The following MATK variants were observed in gnomAD, a reference collection of about 807,000 sequenced individuals.
MATK encodes megakaryocyte-associated tyrosine-protein kinase.
Under a neutral mutation model 59.8 loss-of-function variants are expected in MATK, and 41 were observed. The ratio of observed to expected loss-of-function variants is 0.69; its 90% confidence interval spans 0.53 to 0.89. MATK has a LOEUF of 0.89. MATK is among the 40% of genes least tolerant of loss of function. MATK has a pLI of 0.00. For synonymous variants in MATK, 308 were observed against 306.1 expected, an observed-to-expected ratio of 1.01 and a Z score of -0.06; for missense variants, 593 against 719.6, an observed-to-expected ratio of 0.82 and a Z score of 2.01.
chr19:3,783,161 T>C lies in MATK; in HGVS notation c.641A>G (p.His214Arg), dbSNP rs763848662. ...CTKLVRPKRK[H>R]GTKSAEEELA... ...CTCCTCCTCGGCCGACTTGGTCCCG[T>C]GTTTCCGCTTTGGTCTCACCAGCTT... The change falls in exon 7 of 14, where the codon CAC becomes CGC. Residue 214 changes from histidine to arginine, a missense_variant. Transcript: ENST00000310132. 1 of 1,614,080 alleles carries C rather than the reference T, an allele frequency of 6.2e-7. No individual in the cohort carries two copies. Among genetic ancestry groups the C allele is most frequent in the South Asian group, 1.1e-5 (1 of 91,084 alleles).
Position 3,784,867 on chromosome 19 carries a change from G to A in MATK, c.90C>T (p.Leu30=). The A allele has an allele frequency of 6.5e-7, 1 of 1,546,364 alleles. No homozygotes were observed. Among genetic ancestry groups the A allele is most frequent in the Non-Finnish European group, 8.8e-7 (1 of 1,141,806 alleles). Residue 30 remains leucine, a synonymous_variant, in exon 3 of 14, where the codon CTC becomes CTT. Transcript: ENST00000310132. ...EELPRVSPRF[L]RAWHPPPVSA... ...AGACGGGAGGGGGGTGCCAGGCTCG[G>A]AGGAAGCGGGGGCTCACCTGGGGAG...
At chr19:3,788,885 T>C (rs559397370), upstream of MATK, among the ~76,000 whole-genome samples, 1 of 151,480 alleles carries the variant, frequency 6.6e-6, no homozygotes, top group African/African-American at 2.4e-5. Context: ...AGAAACAGGG[T>C]TTCACCATAT....
At chr19:3,793,541 A>C (rs2037563706) in intron 1 of MATK, 1 of 152,292 alleles carries the variant, frequency 6.6e-6, no homozygotes, top group Admixed American at 6.5e-5. Flanking sequence ...GTCTCTACTA[A>C]AAATATAAAA....
chr19:3,789,466 C>A, upstream of MATK: 1 of 578,010 alleles, frequency 1.7e-6, no homozygotes. Context: ...GGGCAGGAGG[C>A]CTCACCCCAG....
Position 3,786,180 on chromosome 19 carries a change from GCGCCCCCGAGCCGCGCCCCGCGCC to G in MATK, c.-187_-164del, listed in dbSNP as rs2037481207. The G allele has an allele frequency of 1.0e-6, 1 of 980,032 alleles. No homozygotes were observed. Among genetic ancestry groups the G allele is most frequent in the Non-Finnish European group, 1.2e-6 (1 of 825,732 alleles). 60.7% of individuals were successfully genotyped at this position (980,032 alleles called of 1,614,324 possible). A position where few individuals can be genotyped will look rare whatever the true frequency, so the allele number is the denominator to read the frequency against. ...GCCGACGTGCTCACCTGCTCAGGGGGCGCCCCCGAGCCGCGCCCCGCGCCCGCCCCCAGGAGGGCCTCCGCGAGC... is the reference window on the plus strand; with the variant it reads ...GCCGACGTGCTCACCTGCTCAGGGGGCGCCCCCAGGAGGGCCTCCGCGAGC... On this transcript the variant is annotated 5_prime_UTR_variant, in exon 1 of 14. Transcript: ENST00000310132. The surrounding 1 kb of genome is among the most constrained non-coding windows in gnomAD (Gnocchi z 4.1).
intron 8 of MATK, among the ~76,000 whole-genome samples, chr19:3,781,304 T>C (rs1295319656): frequency 6.7e-6 from 1 of 149,538 alleles, no homozygotes; most frequent in African/African-American, 2.6e-5. Flanking sequence ...CCTTCCAGAA[T>C]AATAATTTCA....
rs767369598 is a variant in MATK, at chr19:3,783,084, C to T, written c.676+42G>A. 1.1e-5 allele frequency: 18 copies of T among 1,596,414 alleles called. No homozygotes were observed. In the East Asian group the frequency reaches 1.8e-4, roughly 16 times the overall value. ...GGCCCTTCCTCCCGGACTGGGCTAACGTGGGTAGGGAAGGGGGTCTGCCCT... is the reference window on the plus strand; with the variant it reads ...GGCCCTTCCTCCCGGACTGGGCTAATGTGGGTAGGGAAGGGGGTCTGCCCT... On this transcript the variant is annotated intron_variant, in intron 7 of 13. Transcript: ENST00000310132.
Position 3,778,369 on chromosome 19 carries a change from G to C in MATK, c.1338C>G (p.Pro446=). ...CGTGCACGGGGCCTGGACAGCCCTC[G>C]GGGGGTTCCATGCGGTACCCCTTCT... ...AVEKGYRMEP[P]EGCPGPVHVL... is the part of the protein sequence containing the mutation. The change falls in exon 14 of 14, where the codon CCC becomes CCG. Residue 446 remains proline, a synonymous_variant. Transcript: ENST00000310132. 4.4e-6 allele frequency: 7 copies of C among 1,606,682 alleles called. No individual in the cohort carries two copies. Among genetic ancestry groups the C allele is most frequent in the Non-Finnish European group, 5.9e-6 (7 of 1,177,232 alleles).
Position 3,785,239 on chromosome 19 carries a change from A to C in MATK, c.-104T>G, listed in dbSNP as rs2037465001. The C allele has an allele frequency of 6.3e-7, 1 of 1,581,330 alleles. No homozygotes were observed. The highest frequency in any genetic ancestry group is 8.6e-7 in the Non-Finnish European group (1 of 1,166,696). ...CCACAGGCCAGTCGGCTGGCACAGG[A>C]GGTAGGGAGCTGGGTGCCACTGGAC... On this transcript the variant is annotated 5_prime_UTR_variant, in exon 2 of 14. Coordinates refer to ENST00000310132, the MANE Select transcript of MATK (RefSeq NM_139355.3).
At chr19:3,780,852 C>T (rs545111527) in intron 8 of MATK, among the ~76,000 whole-genome samples, 10 of 152,172 alleles carry the variant, frequency 6.6e-5, no homozygotes, top group South Asian at 2.1e-4. Flanking sequence ...CCTCCCATCC[C>T]GGCCTCCTGA....
chr19:3,791,112 A>G (rs923977153), upstream of MATK, among the ~76,000 whole-genome samples: 1 of 152,130 alleles, frequency 6.6e-6, no homozygotes, highest in South Asian at 2.1e-4. Context: ...GCTTACAATC[A>G]AAGGGATTCT....
chr19:3,799,864 C>T (rs185432152), intron 1 of MATK, among the ~76,000 whole-genome samples: 25 of 151,616 alleles, frequency 1.6e-4, no homozygotes, highest in African/African-American at 2.9e-4. Context: ...ATGTGTCAGC[C>T]GGGCGCGGTG....
chr19:3,789,695 G>A (rs993548183), upstream of MATK, among the ~76,000 whole-genome samples: 1 of 150,886 alleles, frequency 6.6e-6, no homozygotes, highest in Non-Finnish European at 1.5e-5. Context: ...AGGAGGGGGT[G>A]AGGCATCCAA....
At position 3,779,043 on chromosome 19, in the gene MATK, G is replaced by A. The variant is rs773358810; in HGVS notation, c.1146C>T (p.Asp382=). 3.7e-6 allele frequency: 6 copies of A among 1,602,566 alleles called. No homozygotes were observed. The highest frequency in any genetic ancestry group is 1.1e-5 in the South Asian group (1 of 90,788). Residue 382 remains aspartate, a synonymous_variant, in exon 12 of 14, where the codon GAC becomes GAT. Transcript: ENST00000310132. ...TCCACTTGACGGGCAGCCGGCTTGAGTCTAGCCCCTTCCGCTCGGCTTTGG... is the reference window on the plus strand; with the variant it reads ...TCCACTTGACGGGCAGCCGGCTTGAATCTAGCCCCTTCCGCTCGGCTTTGG... The part of the protein sequence containing the change: ...GLAKAERKGL[D]SSRLPVKWTA...
chr19:3,792,769 C>T (rs902619876), intron 1 of MATK, among the ~76,000 whole-genome samples: 4 of 152,218 alleles, frequency 2.6e-5, no homozygotes, highest in Middle Eastern at 3.4e-3. Flanking sequence ...CCACCCACCT[C>T]GGCCTCCCAA....
intron 1 of MATK, among the ~76,000 whole-genome samples, chr19:3,795,796 G>GT (rs1471663579): frequency 9.2e-6 from 1 of 108,652 alleles, no homozygotes; most frequent in Non-Finnish European, 1.7e-5. Context: ...GAATCTCACT[G>GT]TTTCGTCCAG....
At chr19:3,797,903 A>G (rs917618582) in intron 1 of MATK, among the ~76,000 whole-genome samples, 8 of 152,026 alleles carry the variant, frequency 5.3e-5, no homozygotes, top group African/African-American at 1.9e-4. Flanking sequence ...TTAGCCGGGC[A>G]TGGTGGCTCA....
At chr19:3,792,069 C>CTATAGACCAGTTGCT (rs1458197690) in intron 1 of MATK, among the ~76,000 whole-genome samples, 1 of 149,748 alleles carries the variant, frequency 6.7e-6, no homozygotes, top group African/African-American at 2.5e-5. Context: ...GATCGCACCA[C>CTATAGACCAGTTGCT]TATAGACCAG....
rs760149262 is a variant in MATK at position 3,779,177 on chromosome 19, C to G, written c.1012G>C (p.Glu338Gln). 4 of 1,588,874 alleles carry G rather than the reference C, an allele frequency of 2.5e-6. No individual in the cohort carries two copies. Among genetic ancestry groups the G allele is most frequent in the Non-Finnish European group, 3.4e-6 (4 of 1,166,738 alleles). The change falls in exon 12 of 14, where the codon GAG becomes CAG. Residue 338 changes from glutamate to glutamine, a missense_variant. Physicochemically the swap from Glu to Gln is conservative, Grantham distance 29. Coordinates refer to ENST00000310132, the MANE Select transcript of MATK (RefSeq NM_139355.3). ...QLLQFSLHVA[E>Q]GMEYLESKKL... ...TTGCTCTCCAGGTACTCCATGCCCT[C>G]GGCCACGTGCCTGGGGGTAGTAGGG...
Sources: gnomAD v4.1 joint callset for allele counts (sites outside exome capture counted in the v4.1 genomes callset) on GRCh38, gnomAD v4.1.1 for gene constraint, Gnocchi (gnomAD v3.1) non-coding constraint, MANE v1.5 for transcripts, NCBI Gene and HGNC (gene_info 2026-07-23, HGNC 2026-07-21) for gene names.